The following PPP6R2 variants were observed in gnomAD, a reference collection of about 807,000 sequenced individuals.
PPP6R2 encodes the protein protein phosphatase 6 regulatory subunit 2.
In PPP6R2, 62 loss-of-function variants were observed where a neutral mutation model predicts 100.2. The observed-to-expected ratio is 0.62, with a 90% CI of 0.50 to 0.76. PPP6R2 has a LOEUF of 0.76. Ranked by LOEUF, PPP6R2 falls within the 30% of genes least tolerant of loss-of-function variation. The pLI, the probability that PPP6R2 is intolerant of heterozygous loss-of-function variation, is 0.00. For synonymous variants in PPP6R2, 525 were observed against 514.7 expected, an observed-to-expected ratio of 1.02 and a Z score of -0.27; for missense variants, 1,142 against 1,276.3, an observed-to-expected ratio of 0.89 and a Z score of 1.60.
intron 1 of PPP6R2, among the ~76,000 whole-genome samples, chr22:50,355,620 AC>A (rs1202979263): frequency 1.3e-5 from 2 of 149,214 alleles, no homozygotes; most frequent in Non-Finnish European, 3.0e-5. Flanking sequence ...TCCTGGATTC[AC>A]GCCATTCTCC....
At position 50,438,246 on chromosome 22, in the gene PPP6R2, A is replaced by T; in HGVS notation, c.1912A>T (p.Ile638Phe). ...CTTTGATGATGATGAGGACGAGGAC[A>T]TCTGGGAGGACAGTGACACTCGCTG... ...QPFDDDEDED[I>F]WEDSDTRCAA... The change falls in exon 18 of 24, where the codon ATC becomes TTC. Residue 638 changes from isoleucine to phenylalanine, a missense_variant. Physicochemically the swap from Ile to Phe is conservative, Grantham distance 21 (BLOSUM62 0). Around this residue, in one of 2 missense-constraint regions of PPP6R2, gnomAD observed 550 missense variants for 517.4 expected, o/e 1.06. Coordinates refer to ENST00000612753, the MANE Select transcript of PPP6R2 (RefSeq NM_001242898.2). The T allele has an allele frequency of 6.2e-7, 1 of 1,613,908 alleles. No individual in the cohort carries two copies. The highest frequency in any genetic ancestry group is 8.5e-7 in the Non-Finnish European group (1 of 1,179,982).
intron 4 of PPP6R2, among the ~76,000 whole-genome samples, chr22:50,408,853 G>A (rs1407501020): frequency 2.0e-5 from 3 of 152,178 alleles, no homozygotes; most frequent in African/African-American, 4.8e-5. Context: ...GGTGGCTCAC[G>A]CCTGTAATCC....
At chr22:50,338,847 G>GTGTGGTGTGTGATGTGTGTGGTA (rs2042334453), upstream of PPP6R2, among the ~76,000 whole-genome samples, 1 of 144,730 alleles carries the variant, frequency 6.9e-6, no homozygotes, top group Non-Finnish European at 1.5e-5. Flanking sequence ...TGTGTGTGGT[G>GTGTGGTGTGTGATGTGTGTGGTA]TGTGGTGTGT....
At chr22:50,435,940 GACA>G (rs1569489370) in intron 13 of PPP6R2, among the ~76,000 whole-genome samples, 1 of 152,236 alleles carries the variant, frequency 6.6e-6, no homozygotes, top group Non-Finnish European at 1.5e-5. Flanking sequence ...AAACAGGCAG[GACA>G]CGCGCCCAGG....
chr22:50,357,312 TAGTG>T (rs1437351104), intron 1 of PPP6R2, among the ~76,000 whole-genome samples: 2 of 152,332 alleles, frequency 1.3e-5, no homozygotes, highest in Non-Finnish European at 2.9e-5. Context: ...TATACATACA[TAGTG>T]AGGGGAGGAA....
At chr22:50,395,931 A>G (rs2056708067) in intron 3 of PPP6R2, among the ~76,000 whole-genome samples, 1 of 151,516 alleles carries the variant, frequency 6.6e-6, no homozygotes, top group African/African-American at 2.4e-5. Flanking sequence ...ATCGTGGCTC[A>G]TACCTGTAAT....
the PPP6R2 span, among the ~76,000 whole-genome samples, chr22:50,336,086 G>A: frequency 6.6e-5 from 10 of 151,670 alleles, 1 homozygote; most frequent in African/African-American, 2.4e-4. Flanking sequence ...CTGGGTTCAC[G>A]CCATTCTCCC....
At position 50,443,925 on chromosome 22, in the gene PPP6R2, C is replaced by G; in HGVS notation, c.2639C>G (p.Thr880Ser). The G allele has an allele frequency of 1.2e-6, 2 of 1,603,224 alleles. No individual in the cohort carries two copies. Among genetic ancestry groups the G allele is most frequent in the Non-Finnish European group, 8.5e-7 (1 of 1,175,342 alleles). The change falls in exon 23 of 24, where the codon ACT becomes AGT. Residue 880 changes from threonine (T) to serine (S), a missense_variant. Coordinates refer to ENST00000612753, the MANE Select transcript of PPP6R2 (RefSeq NM_001242898.2). ...GCCTGCCCCGCGCCAAAGGAAGTGACTGCTGCCCCAGCCGTGGCTGTGCCC... is the reference window on the plus strand; with the variant it reads ...GCCTGCCCCGCGCCAAAGGAAGTGAGTGCTGCCCCAGCCGTGGCTGTGCCC... ...SPACPAPKEV[T>S]AAPAVAVPPE... is the part of the protein sequence containing the mutation.
intron 8 of PPP6R2, among the ~76,000 whole-genome samples, chr22:50,421,177 G>A (rs578092558): frequency 2.0e-5 from 3 of 151,904 alleles, no homozygotes; most frequent in African/African-American, 4.8e-5. Flanking sequence ...TAATGTTACC[G>A]TTTTCTCTAG....
intron 12 of PPP6R2, among the ~76,000 whole-genome samples, chr22:50,433,303 C>T (rs1400623071): frequency 8.8e-6 from 1 of 114,010 alleles, no homozygotes; most frequent in Non-Finnish European, 1.8e-5. Flanking sequence ...GGCATGGATG[C>T]TGGGCAGGGG....
rs548059013 is a variant in PPP6R2 at position 50,348,186 on chromosome 22, C to A, written c.-148+4636C>A. Among the ~76,000 whole-genome samples the A allele has an allele frequency of 2.0e-5, 3 of 152,250 alleles. No homozygotes were observed. In the South Asian group the frequency reaches 6.2e-4, roughly 31 times the overall value. On this transcript the variant is annotated intron_variant, in intron 1 of 23. Transcript: ENST00000612753. ...AGTTGGTTTTCTCATTAAGCCGTTC[C>A]TTGCAGGTGTTAGTAGGGAGTTGGA...
At chr22:50,408,161 A>G (rs2059239031) in intron 4 of PPP6R2, among the ~76,000 whole-genome samples, 1 of 152,230 alleles carries the variant, frequency 6.6e-6, no homozygotes, top group South Asian at 2.1e-4. Context: ...TCCTGGGACT[A>G]CAGGTGTGAG....
At chr22:50,403,365 C>T (rs1053367018) in intron 3 of PPP6R2, among the ~76,000 whole-genome samples, 1 of 152,204 alleles carries the variant, frequency 6.6e-6, no homozygotes, top group Non-Finnish European at 1.5e-5. Flanking sequence ...TGTTAGAGAT[C>T]TGGTAGACCT....
At chr22:50,339,968 G>GGT (rs774195926), upstream of PPP6R2, among the ~76,000 whole-genome samples, 2 of 131,254 alleles carry the variant, frequency 1.5e-5, no homozygotes, top group South Asian at 2.6e-4. Flanking sequence ...TGTGTTGTGT[G>GGT]GTGTGTGTGG....
chr22:50,377,553 G>T (rs998452788), intron 2 of PPP6R2, among the ~76,000 whole-genome samples: 5 of 152,116 alleles, frequency 3.3e-5, no homozygotes, highest in Non-Finnish European at 4.4e-5. Context: ...CCAGAATGAA[G>T]CACAGAGAAA....
chr22:50,436,107 C>T (rs1263905829), intron 13 of PPP6R2, among the ~76,000 whole-genome samples: 4 of 152,176 alleles, frequency 2.6e-5, no homozygotes, highest in Admixed American at 1.3e-4. Flanking sequence ...ACTGGGGTTT[C>T]GGTAGGGGCA....
chr22:50,350,896 G>A (rs1337301546), intron 1 of PPP6R2, among the ~76,000 whole-genome samples: 1 of 151,596 alleles, frequency 6.6e-6, no homozygotes, highest in Non-Finnish European at 1.5e-5. Flanking sequence ...TATGGAGTAT[G>A]TTAGCAGGCA....
At position 50,373,728 on chromosome 22, in the gene PPP6R2, A is replaced by G. The variant is rs536660284; in HGVS notation, c.-17+1578A>G. 1.0e-4 allele frequency among the ~76,000 whole-genome samples: 15 copies of G among 150,626 alleles called. 1 individual carries two copies. The South Asian group carries it at 3.0e-3, about 30-fold the overall frequency. On this transcript the variant is annotated intron_variant, in intron 2 of 23. Coordinates refer to ENST00000612753, the MANE Select transcript of PPP6R2 (RefSeq NM_001242898.2). Reference sequence around the variant, plus strand: ...CACTACGGCTAATTTATTTATTTATATATTTTTATGTGTTTTTTTTTGTGA... The same window carrying G: ...CACTACGGCTAATTTATTTATTTATGTATTTTTATGTGTTTTTTTTTGTGA...
intron 2 of PPP6R2, among the ~76,000 whole-genome samples, chr22:50,386,262 C>A (rs532266369): frequency 1.3e-5 from 2 of 152,124 alleles, no homozygotes; most frequent in Admixed American, 6.6e-5. Context: ...CCTGCCTCAG[C>A]CTCCAAGTAG....
Sources: allele counts gnomAD v4.1 joint callset (sites outside exome capture counted in the v4.1 genomes callset), GRCh38; gene constraint gnomAD v4.1.1; regional missense constraint gnomAD v4.1.1; transcripts MANE v1.5; gene names NCBI Gene and HGNC (gene_info 2026-07-23, HGNC 2026-07-21).